Variants in SYT10 observed in about 807,000 individuals in gnomAD.
The protein encoded by SYT10 is synaptotagmin-10.
Under a neutral mutation model 51.1 loss-of-function variants are expected in SYT10, and 31 were observed. The observed-to-expected ratio is 0.61, with a 90% CI of 0.46 to 0.82. The LOEUF (loss-of-function observed/expected upper bound fraction) is 0.82. Among genes scored for constraint, SYT10 ranks in the 40% least tolerant of loss-of-function variants. The pLI is 0.00. For synonymous variants in SYT10, 233 were observed against 225.9 expected (o/e 1.03, Z -0.28); for missense variants, 603 against 634.0 (o/e 0.95, Z 0.53).
rs1866359871 is a variant in SYT10, at chr12:33,406,999, T to C, written c.867A>G (p.Arg289=). The C allele has an allele frequency of 6.2e-7, 1 of 1,614,064 alleles. No individual in the cohort carries two copies. Among genetic ancestry groups the C allele is most frequent in the Non-Finnish European group, 8.5e-7 (1 of 1,180,048 alleles). Residue 289 remains arginine (R), a synonymous_variant, in exon 3 of 7, where the codon AGA becomes AGG. Transcript: ENST00000228567. ...RKKKFQTRVH[R]KTLNPLFDET... ...CATCAAATAGAGGATTTAAAGTCTT[T>C]CTGTGCACGCGGGTCTGAAATTTCT...
chr12:33,398,513 A>AAAAC (rs993386705), intron 3 of SYT10, among the ~76,000 whole-genome samples: 7 of 152,210 alleles, frequency 4.6e-5, no homozygotes, highest in South Asian at 2.1e-4. Context: ...ACTCTGTCTC[A>AAAAC]AAACAAACAA....
intron 2 of SYT10, among the ~76,000 whole-genome samples, chr12:33,420,065 T>C (rs1207441460): frequency 1.3e-5 from 2 of 152,292 alleles, no homozygotes; most frequent in Non-Finnish European, 2.9e-5. Flanking sequence ...TGAGCTCAGC[T>C]AGGTTTTGGA....
rs1281977534 is a variant in SYT10 at position 33,439,597 on chromosome 12, C to G, written c.-75G>C. On this transcript the variant is annotated 5_prime_UTR_variant, in exon 1 of 7. Coordinates refer to ENST00000228567, the MANE Select transcript of SYT10 (RefSeq NM_198992.4). ...TCCTCTTCCCGTACCTCTAACCCCT[C>G]TGGCGCCCTAAGCCATAGTCCGCCC... 1.3e-6 allele frequency: 2 copies of G among 1,543,660 alleles called. No homozygotes were observed. The highest frequency in any genetic ancestry group is 1.8e-6 in the Non-Finnish European group (2 of 1,140,702).
intron 3 of SYT10, among the ~76,000 whole-genome samples, chr12:33,399,804 C>T (rs1866286768): frequency 6.6e-6 from 1 of 152,118 alleles, no homozygotes; most frequent in African/African-American, 2.4e-5. Flanking sequence ...CCCATCAATT[C>T]TCGCAAAGTA....
intron 3 of SYT10, among the ~76,000 whole-genome samples, chr12:33,397,824 G>A (rs1441305061): frequency 6.6e-6 from 1 of 152,046 alleles, no homozygotes; most frequent in Non-Finnish European, 1.5e-5. Flanking sequence ...AAAAAGATGA[G>A]TGAGGCTTCC....
At chr12:33,419,848 A>C (rs1035003298) in intron 2 of SYT10, among the ~76,000 whole-genome samples, 1 of 152,244 alleles carries the variant, frequency 6.6e-6, no homozygotes, top group African/African-American at 2.4e-5. Flanking sequence ...AAAGAAGTAA[A>C]TATAGACTGA....
intron 3 of SYT10, among the ~76,000 whole-genome samples, chr12:33,390,438 A>G (rs1866194129): frequency 6.6e-6 from 1 of 152,140 alleles, no homozygotes; most frequent in Non-Finnish European, 1.5e-5. Context: ...GACACGCAGG[A>G]TATACAATAT....
chr12:33,390,273 A>C lies in SYT10; in HGVS notation c.1078-4982T>G, dbSNP rs79237616. ...TTTAAACTTCCAGATAATATGCTAG[A>C]GGAGGAAGGATCCAATCCTCAAGGC... On this transcript the variant is annotated intron_variant, in intron 3 of 6. Transcript: ENST00000228567. Among the ~76,000 whole-genome samples, 739 of 152,306 alleles carry C rather than the reference A, an allele frequency of 4.9e-3. 8 individuals are homozygous for C. The highest frequency in any genetic ancestry group is 0.017 in the African/African-American group (694 of 41,568).
intron 2 of SYT10, among the ~76,000 whole-genome samples, chr12:33,420,084 G>A (rs1236346771): frequency 6.6e-6 from 1 of 152,138 alleles, no homozygotes; most frequent in Non-Finnish European, 1.5e-5. Context: ...GAGAAAAATA[G>A]TGATAGCTCT....
At chr12:33,386,213 T>C (rs1185431451) in intron 3 of SYT10, among the ~76,000 whole-genome samples, 3 of 152,108 alleles carry the variant, frequency 2.0e-5, no homozygotes, top group Non-Finnish European at 4.4e-5. Context: ...TTTCGACTGT[T>C]GGCCAGTCTG....
At chr12:33,414,873 C>T (rs1458875599) in intron 2 of SYT10, among the ~76,000 whole-genome samples, 1 of 152,132 alleles carries the variant, frequency 6.6e-6, no homozygotes, top group African/African-American at 2.4e-5. Flanking sequence ...TAGTTGATGG[C>T]ACTGGAATAT....
intron 1 of SYT10, 113 bp downstream of exon 1, chr12:33,439,259 C>T: frequency 1.5e-6 from 2 of 1,357,054 alleles, no homozygotes; most frequent in Admixed American, 2.3e-5. Flanking sequence ...GAAAGCGTGG[C>T]GCCCCAAATA....
chr12:33,414,430 G>C (rs752676760), intron 2 of SYT10, among the ~76,000 whole-genome samples: 8 of 151,732 alleles, frequency 5.3e-5, no homozygotes, highest in Non-Finnish European at 1.0e-4. Flanking sequence ...CCACATAGTT[G>C]GAAGCACTCC....
At chr12:33,424,876 C>T (rs1274570208) in intron 2 of SYT10, among the ~76,000 whole-genome samples, 1 of 151,728 alleles carries the variant, frequency 6.6e-6, no homozygotes, top group South Asian at 2.1e-4. Context: ...AAAATAAACA[C>T]AAAATATGAG....
In SYT10 at chr12:33,376,869, T is replaced by C; in HGVS notation, c.1533A>G (p.Gln511=). Residue 511 remains glutamine, a synonymous_variant, in exon 7 of 7, where the codon CAA becomes CAG. Coordinates refer to ENST00000228567, the MANE Select transcript of SYT10 (RefSeq NM_198992.4). The part of the protein sequence containing the change: ...LPGRATSFDS[Q]GSCPSPKPPS... ...GTGGTTTAGGAGAAGGGCAGGATCC[T>C]TGACTATCAAAACTGGTCGCCCGGC... The C allele has an allele frequency of 6.2e-7, 1 of 1,614,084 alleles. No individual in the cohort carries two copies. Among genetic ancestry groups the C allele is most frequent in the Non-Finnish European group, 8.5e-7 (1 of 1,179,970 alleles).
intron 3 of SYT10, among the ~76,000 whole-genome samples, chr12:33,402,623 T>C (rs1866316263): frequency 1.3e-5 from 2 of 152,212 alleles, no homozygotes; most frequent in African/African-American, 2.4e-5. Context: ...CTAAACTTTG[T>C]TCACAGGAAG....
At position 33,439,664 on chromosome 12, in the gene SYT10, A is replaced by G. The variant is rs1354146669; in HGVS notation, c.-142T>C. Reference sequence around the variant, plus strand: ...GAGATTGCGCCGCTGAGAGCCGGCAACTCTTAGGAGCCCCACGTTGGCCCC... The same window carrying G: ...GAGATTGCGCCGCTGAGAGCCGGCAGCTCTTAGGAGCCCCACGTTGGCCCC... On this transcript the variant is annotated 5_prime_UTR_variant, in exon 1 of 7. Coordinates refer to ENST00000228567, the MANE Select transcript of SYT10 (RefSeq NM_198992.4). 3 of 1,014,938 alleles carry G rather than the reference A, an allele frequency of 3.0e-6. No homozygotes were observed. The highest frequency in any genetic ancestry group is 5.3e-5 in the East Asian group (2 of 37,538). 62.9% of individuals were successfully genotyped at this position (1,014,938 alleles called of 1,614,324 possible).
intron 2 of SYT10, among the ~76,000 whole-genome samples, chr12:33,424,700 T>C (rs1185849010): frequency 6.6e-6 from 1 of 151,892 alleles, no homozygotes; most frequent in African/African-American, 2.4e-5. Context: ...AAAAAGTGGC[T>C]TATTGGACAA....
At chr12:33,405,007 G>A (rs1189436273) in intron 3 of SYT10, 6 of 150,690 alleles carry the variant, frequency 4.0e-5, no homozygotes, top group African/African-American at 9.9e-5. Context: ...TTTGGAAAAC[G>A]TATGAATGTT....
Sources: allele counts gnomAD v4.1 joint callset (sites outside exome capture counted in the v4.1 genomes callset), GRCh38; gene constraint gnomAD v4.1.1; transcripts MANE v1.5; gene names NCBI Gene and HGNC (gene_info 2026-07-23, HGNC 2026-07-21).